RERE: variants seen among roughly 807,000 people sequenced by gnomAD.
The protein encoded by RERE is arginine-glutamic acid dipeptide repeats protein.
RERE carries 40 observed loss-of-function variants against 146.1 expected under a neutral mutation model. That is an observed-to-expected ratio of 0.27 (90% CI 0.21 to 0.36). The LOEUF is 0.36. Among genes scored for constraint, RERE ranks in the 10% least tolerant of loss-of-function variants. The pLI, the probability that RERE is intolerant of heterozygous loss-of-function variation, is 1.00. For synonymous variants in RERE, 1,003 were observed against 866.0 expected, an observed-to-expected ratio of 1.16 and a Z score of -2.78; for missense variants, 1,933 against 2,138.7, an observed-to-expected ratio of 0.90 and a Z score of 1.90.
chr1:8,593,843 GGCTCCAGC>G (rs1646523753), intron 4 of RERE, among the ~76,000 whole-genome samples: 1 of 152,188 alleles, frequency 6.6e-6, no homozygotes. Flanking sequence ...TAGGGGCTGT[GGCTCCAGC>G]CACCATCTGG....
chr1:8,724,769 C>T (rs1557504600), intron 1 of RERE, among the ~76,000 whole-genome samples: 1 of 151,138 alleles, frequency 6.6e-6, no homozygotes, highest in Non-Finnish European at 1.5e-5. Context: ...GTGGACACTG[C>T]AGTGAGCTGA....
chr1:8,422,594 G>A, intron 12 of RERE, 133 bp downstream of exon 12: 2 of 636,046 alleles, frequency 3.1e-6, no homozygotes, highest in Non-Finnish European at 5.7e-6. Context: ...GTAAAACGGA[G>A]AGAATTCTGG....
chr1:8,432,029 G>A (rs1302274304), intron 11 of RERE, among the ~76,000 whole-genome samples: 1 of 152,198 alleles, frequency 6.6e-6, no homozygotes, highest in Non-Finnish European at 1.5e-5. Context: ...CGTCATGCCA[G>A]TGACTGCACT....
Position 8,634,446 on chromosome 1 carries a change from T to C in RERE, c.326-10066A>G, listed in dbSNP as rs971706008. 2.6e-5 allele frequency among the ~76,000 whole-genome samples: 4 copies of C among 152,242 alleles called. No homozygotes were observed. In the East Asian group the frequency reaches 7.7e-4, roughly 29 times the overall value. On this transcript the variant is annotated intron_variant, in intron 2 of 22. Coordinates refer to ENST00000400908, the MANE Select transcript of RERE (RefSeq NM_001042681.2). ...ACAGAAGACTGTGCTCTTGTTTTAT[T>C]GGCTGATTGTTAAAATGCTACTAAT...
At chr1:8,398,874 A>G (rs2124437071) in intron 12 of RERE, among the ~76,000 whole-genome samples, 2 of 152,316 alleles carry the variant, frequency 1.3e-5, no homozygotes, top group Admixed American at 1.3e-4. Flanking sequence ...GTGCGCGGCC[A>G]CTAGGAGTAC....
At chr1:8,633,790 G>A (rs1050100075) in intron 2 of RERE, among the ~76,000 whole-genome samples, 1 of 151,780 alleles carries the variant, frequency 6.6e-6, no homozygotes, top group East Asian at 1.9e-4. Flanking sequence ...TTACCCAGGT[G>A]TGATGGCGTG....
At chr1:8,463,967 C>T (rs535777529) in intron 11 of RERE, among the ~76,000 whole-genome samples, 1 of 152,364 alleles carries the variant, frequency 6.6e-6, no homozygotes, top group Non-Finnish European at 1.5e-5. Context: ...TTCTTCCACA[C>T]AGGCTTTTCG....
chr1:8,675,667 G>A (rs1171378920), intron 1 of RERE, among the ~76,000 whole-genome samples: 2 of 151,800 alleles, frequency 1.3e-5, no homozygotes, highest in Non-Finnish European at 2.9e-5. Context: ...AGGTTGCAGC[G>A]AACTGAGATC....
At position 8,360,999 on chromosome 1, in the gene RERE, A is replaced by C; in HGVS notation, c.2508T>G (p.Pro836=). The part of the protein sequence containing the change: ...LQPLTGSAGQ[P]SAPSHAQPPL... ...GGGGCTGGGCATGAGAGGGTGCAGAAGGCTGGCCCGCCGACCCAGTCAGAG... is the reference window on the plus strand; with the variant it reads ...GGGGCTGGGCATGAGAGGGTGCAGACGGCTGGCCCGCCGACCCAGTCAGAG... The change falls in exon 18 of 23, where the codon CCT becomes CCG. Residue 836 remains proline (P), a synonymous_variant. Transcript: ENST00000400908. 1 of 1,435,684 alleles carries C rather than the reference A, an allele frequency of 7.0e-7. No homozygotes were observed. The highest frequency in any genetic ancestry group is 1.5e-5 in the South Asian group (1 of 67,960). The allele number at this position is 1,435,684 out of a possible 1,614,324, so 88.9% of individuals were successfully genotyped here.
At chr1:8,578,069 T>A (rs1293842160) in intron 4 of RERE, among the ~76,000 whole-genome samples, 1 of 150,008 alleles carries the variant, frequency 6.7e-6, no homozygotes, top group Non-Finnish European at 1.5e-5. Flanking sequence ...CCAGCCTGGA[T>A]GACAGAGCAG....
At chr1:8,741,838 T>C (rs940598777) in intron 1 of RERE, among the ~76,000 whole-genome samples, 3 of 152,230 alleles carry the variant, frequency 2.0e-5, no homozygotes, top group African/African-American at 7.2e-5. Flanking sequence ...TTTGAGATTA[T>C]ATCTGATATG....
chr1:8,676,016 A>T (rs1391641700), intron 1 of RERE, among the ~76,000 whole-genome samples: 1 of 152,114 alleles, frequency 6.6e-6, no homozygotes, highest in Non-Finnish European at 1.5e-5. Context: ...CTCAACTTGG[A>T]CTCTTAAGGT....
intron 1 of RERE, among the ~76,000 whole-genome samples, chr1:8,772,942 C>G (rs550886788): frequency 5.3e-5 from 8 of 152,198 alleles, no homozygotes; most frequent in Non-Finnish European, 1.0e-4. Context: ...CAAAAATTAG[C>G]CAGGCTTGGT....
intron 6 of RERE, among the ~76,000 whole-genome samples, chr1:8,549,673 G>A (rs1160159961): frequency 1.3e-5 from 2 of 152,196 alleles, no homozygotes; most frequent in African/African-American, 2.4e-5. Flanking sequence ...AAGCACAGGG[G>A]AAAATCTGCT....
chr1:8,646,747 C>T (rs1374620485), intron 2 of RERE, among the ~76,000 whole-genome samples: 1 of 152,118 alleles, frequency 6.6e-6, no homozygotes, highest in Admixed American at 6.5e-5. Context: ...TATGAAAGAT[C>T]ACCACTACGC....
intron 1 of RERE, among the ~76,000 whole-genome samples, chr1:8,743,624 T>G (rs974131980): frequency 6.6e-6 from 1 of 152,072 alleles, no homozygotes; most frequent in Non-Finnish European, 1.5e-5. Flanking sequence ...CTATAACATG[T>G]CTCAGTATAG....
At chr1:8,754,883 T>G (rs1640606773) in intron 1 of RERE, among the ~76,000 whole-genome samples, 2 of 152,240 alleles carry the variant, frequency 1.3e-5, no homozygotes, top group African/African-American at 2.4e-5. Flanking sequence ...TGGTACATGT[T>G]TAACTGGCAC....
intron 4 of RERE, among the ~76,000 whole-genome samples, chr1:8,609,186 C>T (rs1216336285): frequency 1.3e-5 from 2 of 151,682 alleles, no homozygotes; most frequent in Non-Finnish European, 2.9e-5. Flanking sequence ...CCACTGCTCT[C>T]CAGCCTGGGC....
chr1:8,463,442 T>C (rs901872246), intron 11 of RERE, among the ~76,000 whole-genome samples: 1 of 152,226 alleles, frequency 6.6e-6, no homozygotes, highest in Non-Finnish European at 1.5e-5. Flanking sequence ...AACCAGGCTC[T>C]TTCTGATGTG....
Sources: gnomAD v4.1 joint callset for allele counts (sites outside exome capture counted in the v4.1 genomes callset) on GRCh38, gnomAD v4.1.1 for gene constraint, MANE v1.5 for transcripts, NCBI Gene and HGNC (gene_info 2026-07-23, HGNC 2026-07-21) for gene names.